Variants in SHB observed in about 807,000 individuals in gnomAD.
SHB encodes SH2 domain containing adaptor protein B.
SHB carries 20 observed loss-of-function variants against 52.3 expected under a neutral mutation model. The observed-to-expected ratio is 0.38, with a 90% confidence interval of 0.27 to 0.56. The LOEUF is 0.56. SHB is among the 20% of genes least tolerant of loss of function. The pLI, the probability that SHB is intolerant of heterozygous loss-of-function variation, is 0.71. For synonymous variants in SHB, 397 were observed against 316.5 expected (o/e 1.25, Z -2.70); for missense variants, 825 against 723.3 (o/e 1.14, Z -1.61).
rs998498490 is a variant in SHB at position 38,068,708 on chromosome 9, G to A, written c.-63C>T. ...GTCCGCCGCCGCGGCCATTCGGGGG[G>A]CAGCGCTGCGGCGCAGGTCCCTCGG... On this transcript the variant is annotated 5_prime_UTR_variant, in exon 1 of 6. Coordinates refer to ENST00000377707, the MANE Select transcript of SHB (RefSeq NM_003028.3). The A allele has an allele frequency of 8.6e-4, 1,030 of 1,192,434 alleles. 8 individuals carry two copies. The African/African-American group carries it at 0.015, about 18-fold the overall frequency. The allele number at this position is 1,192,434 out of a possible 1,614,324, so 73.9% of individuals were successfully genotyped here.
chr9:38,024,752 T>A (rs1587250150), intron 1 of SHB, among the ~76,000 whole-genome samples: 2 of 152,208 alleles, frequency 1.3e-5, no homozygotes, highest in East Asian at 1.9e-4. Context: ...ATTTCTTAAG[T>A]GCTTTCAGCC....
At chr9:37,966,710 G>A (rs761266989) in intron 3 of SHB, among the ~76,000 whole-genome samples, 9 of 152,234 alleles carry the variant, frequency 5.9e-5, no homozygotes, top group Non-Finnish European at 1.3e-4. Flanking sequence ...GTTTGGAAGA[G>A]ACAGCATTCT....
intron 3 of SHB, among the ~76,000 whole-genome samples, chr9:37,966,984 G>T (rs1820534571): frequency 6.6e-6 from 1 of 152,188 alleles, no homozygotes; most frequent in Non-Finnish European, 1.5e-5. Flanking sequence ...GTGTGCAAGG[G>T]AATTCCAGCC....
At chr9:38,023,010 T>TG (rs1031205470) in intron 1 of SHB, among the ~76,000 whole-genome samples, 1 of 152,166 alleles carries the variant, frequency 6.6e-6, no homozygotes, top group African/African-American at 2.4e-5. Flanking sequence ...AACTTGGACG[T>TG]AGAGGTCTGA....
chr9:37,947,395 G>A (rs1029663038), intron 5 of SHB, among the ~76,000 whole-genome samples: 11 of 152,174 alleles, frequency 7.2e-5, no homozygotes, highest in African/African-American at 2.7e-4. Flanking sequence ...CTCTTGCAGA[G>A]CTGGAATCTG....
intron 2 of SHB, among the ~76,000 whole-genome samples, chr9:37,998,388 C>T (rs1287882428): frequency 6.6e-6 from 1 of 152,226 alleles, no homozygotes; most frequent in Non-Finnish European, 1.5e-5. Context: ...GGGCCAGATA[C>T]ATGGTCTCTG....
chr9:37,954,855 G>A (rs560305607), intron 4 of SHB, among the ~76,000 whole-genome samples: 1 of 152,260 alleles, frequency 6.6e-6, no homozygotes, highest in East Asian at 1.9e-4. Context: ...TGCACCCAGG[G>A]ATGATTTGGC....
Position 38,014,368 on chromosome 9 carries a change from G to C in SHB, c.838+1643C>G, listed in dbSNP as rs544664116. On this transcript the variant is annotated intron_variant, in intron 2 of 5. Coordinates refer to ENST00000377707, the MANE Select transcript of SHB (RefSeq NM_003028.3). The stretch of plus-strand genomic sequence containing the variant: ...AGGCCACAGCCCAAGGGCTGGAGCT[G>C]GTCCTGGGGCTTCCACAGAGCTGGT... 3.9e-3 allele frequency among the ~76,000 whole-genome samples: 597 copies of C among 152,382 alleles called. 9 individuals are homozygous for C. The highest frequency in any genetic ancestry group is 0.014 in the African/African-American group (579 of 41,600).
chr9:38,041,541 C>A (rs1171501725), intron 1 of SHB, among the ~76,000 whole-genome samples: 1 of 151,418 alleles, frequency 6.6e-6, no homozygotes, highest in Non-Finnish European at 1.5e-5. Context: ...CAGAAATGGG[C>A]ACAGGCAAGT....
At chr9:38,029,514 T>C (rs1821386572) in intron 1 of SHB, among the ~76,000 whole-genome samples, 1 of 152,090 alleles carries the variant, frequency 6.6e-6, no homozygotes, top group South Asian at 2.1e-4. Context: ...ATTTTTTAGA[T>C]GGAATCTCGC....
chr9:38,014,533 C>A (rs752780341), intron 2 of SHB, among the ~76,000 whole-genome samples: 2 of 152,250 alleles, frequency 1.3e-5, no homozygotes, highest in Non-Finnish European at 2.9e-5. Context: ...GCTGCCTTCC[C>A]TCAGGACCCC....
intron 4 of SHB, among the ~76,000 whole-genome samples, chr9:37,952,595 C>T (rs537546078): frequency 6.6e-6 from 1 of 152,266 alleles, no homozygotes; most frequent in Non-Finnish European, 1.5e-5. Context: ...GGAGACAAGT[C>T]AGGATGCTAG....
rs757248288 is a variant in SHB at position 37,948,625 on chromosome 9, C to T, written c.1346+10G>A. 2.5e-5 allele frequency: 41 copies of T among 1,612,664 alleles called. No homozygotes were observed. Among genetic ancestry groups the T allele is most frequent in the South Asian group, 8.8e-5 (8 of 91,054 alleles). On this transcript the variant is annotated intron_variant, in intron 5 of 5. Transcript: ENST00000377707. ...CGAGGAGGGCTGGGGGTGCTCGGGGCGGCACTCACCTCAGGGAGAGGGAGT... is the reference window on the plus strand; with the variant it reads ...CGAGGAGGGCTGGGGGTGCTCGGGGTGGCACTCACCTCAGGGAGAGGGAGT...
intron 4 of SHB, among the ~76,000 whole-genome samples, chr9:37,954,724 G>A (rs1048211785): frequency 5.3e-5 from 8 of 152,200 alleles, no homozygotes; most frequent in East Asian, 3.8e-4. Context: ...TATGAGACAC[G>A]GTTAGAAACT....
At chr9:38,063,842 G>GC (rs1251425880) in intron 1 of SHB, among the ~76,000 whole-genome samples, 6 of 137,204 alleles carry the variant, frequency 4.4e-5, no homozygotes, top group African/African-American at 1.4e-4. Flanking sequence ...TATTTATTCT[G>GC]TAACTATGGA....
intron 2 of SHB, among the ~76,000 whole-genome samples, chr9:38,015,144 C>T (rs1821194460): frequency 6.6e-6 from 1 of 152,252 alleles, no homozygotes; most frequent in Non-Finnish European, 1.5e-5. Context: ...TGTGCCCCTG[C>T]CCATGGCACT....
At chr9:37,946,275 T>C (rs1832490270) in intron 5 of SHB, among the ~76,000 whole-genome samples, 1 of 152,150 alleles carries the variant, frequency 6.6e-6, no homozygotes, top group Admixed American at 6.5e-5. Context: ...CAACGTGTCG[T>C]CAAGGGTGGT....
intron 2 of SHB, among the ~76,000 whole-genome samples, chr9:38,003,930 T>A (rs1821048941): frequency 1.3e-5 from 2 of 152,048 alleles, no homozygotes; most frequent in African/African-American, 4.8e-5. Flanking sequence ...GCTGGGGGCC[T>A]CCTGGCTCCA....
intron 3 of SHB, among the ~76,000 whole-genome samples, chr9:37,969,804 T>A (rs938932643): frequency 6.6e-6 from 1 of 152,188 alleles, no homozygotes; most frequent in South Asian, 2.1e-4. Flanking sequence ...CCAGACACCA[T>A]GACATCATCC....
Sources: gnomAD v4.1 joint callset for allele counts (sites outside exome capture counted in the v4.1 genomes callset) on GRCh38, gnomAD v4.1.1 for gene constraint, MANE v1.5 for transcripts, NCBI Gene and HGNC (gene_info 2026-07-23, HGNC 2026-07-21) for gene names.